The following STXBP4 variants were observed in gnomAD, a reference collection of about 807,000 sequenced individuals.
The protein encoded by STXBP4 is syntaxin-binding protein 4.
Under a neutral mutation model 76.1 loss-of-function variants are expected in STXBP4, and 55 were observed. The ratio of observed to expected loss-of-function variants is 0.72; its 90% CI spans 0.58 to 0.91. The LOEUF is 0.91. STXBP4 is among the 40% of genes least tolerant of loss of function. The pLI, the probability that STXBP4 is intolerant of heterozygous loss-of-function variation, is 0.00. For missense variants in STXBP4, 618 were observed against 636.9 expected (o/e 0.97, Z 0.32); for synonymous variants, 201 against 220.2 (o/e 0.91, Z 0.77).
At chr17:54,995,151 T>C (rs557712907) in intron 4 of STXBP4, among the ~76,000 whole-genome samples, 1 of 152,180 alleles carries the variant, frequency 6.6e-6, no homozygotes, top group Non-Finnish European at 1.5e-5. Flanking sequence ...GCCTGACACA[T>C]ACATACTTGC....
chr17:54,995,533 G>A (rs2077786926), intron 4 of STXBP4, among the ~76,000 whole-genome samples: 1 of 152,176 alleles, frequency 6.6e-6, no homozygotes, highest in Non-Finnish European at 1.5e-5. Context: ...ACTTATGAGT[G>A]TGTGTATGTA....
chr17:54,992,708 T>C (rs1259203415), intron 4 of STXBP4, among the ~76,000 whole-genome samples: 2 of 139,694 alleles, frequency 1.4e-5, no homozygotes, highest in Admixed American at 7.1e-5. Flanking sequence ...TTGCTTCCTT[T>C]TTTTTTTTTT....
At chr17:55,120,497 T>C (rs896763048) in intron 16 of STXBP4, among the ~76,000 whole-genome samples, 3 of 152,222 alleles carry the variant, frequency 2.0e-5, no homozygotes, top group Non-Finnish European at 4.4e-5. Flanking sequence ...TCTGAGGTCA[T>C]CAGATAGGAA....
intron 9 of STXBP4, among the ~76,000 whole-genome samples, chr17:55,032,426 AG>A (rs752176806): frequency 2.2e-4 from 34 of 152,220 alleles, no homozygotes; most frequent in Non-Finnish European, 4.6e-4. Context: ...GAGCAGAGGC[AG>A]GTAAAGCCCA....
chr17:55,068,780 A>C (rs2079084505), intron 12 of STXBP4, among the ~76,000 whole-genome samples: 1 of 152,166 alleles, frequency 6.6e-6, no homozygotes, highest in Non-Finnish European at 1.5e-5. Context: ...AAAAATGAGC[A>C]AACTGAGTCT....
chr17:55,107,772 G>A (rs2079654181), intron 16 of STXBP4, among the ~76,000 whole-genome samples: 1 of 152,172 alleles, frequency 6.6e-6, no homozygotes. Flanking sequence ...AAAGATTGCT[G>A]CCTGTTCCTT....
At chr17:54,982,843 AAC>A (rs1218745516) in intron 1 of STXBP4, among the ~76,000 whole-genome samples, 1 of 152,198 alleles carries the variant, frequency 6.6e-6, no homozygotes, top group Admixed American at 6.5e-5. Flanking sequence ...TAAAAGAGAT[AAC>A]ACATTACCAC....
chr17:55,082,422 T>A (rs1337761100), intron 16 of STXBP4, among the ~76,000 whole-genome samples: 1 of 152,184 alleles, frequency 6.6e-6, no homozygotes, highest in Non-Finnish European at 1.5e-5. Flanking sequence ...ATTAAAACTA[T>A]GCAAAAATAT....
intron 10 of STXBP4, among the ~76,000 whole-genome samples, chr17:55,036,616 T>C (rs1335590308): frequency 1.3e-5 from 2 of 151,902 alleles, no homozygotes; most frequent in Non-Finnish European, 2.9e-5. Context: ...TATTAACTTA[T>C]ATATTTCTTT....
chr17:55,015,440 TTC>T (rs907914327), intron 8 of STXBP4, among the ~76,000 whole-genome samples: 6 of 152,234 alleles, frequency 3.9e-5, no homozygotes, highest in Admixed American at 2.0e-4. Flanking sequence ...ATGGCAGCAC[TTC>T]TCTCATTTGG....
chr17:55,165,785 A>AT lies in STXBP4; in HGVS notation c.*5875dup, dbSNP rs2080374983. 6.6e-6 allele frequency: 1 copy of AT among 152,220 alleles called. No homozygotes were observed. Among genetic ancestry groups the AT allele is most frequent in the Non-Finnish European group, 1.5e-5 (1 of 68,074 alleles). 9.4% of individuals were successfully genotyped at this position (152,220 alleles called of 1,614,324 possible). On this transcript the variant is annotated 3_prime_UTR_variant, in exon 18 of 18. Coordinates refer to ENST00000376352, the MANE Select transcript of STXBP4 (RefSeq NM_178509.6). ...CCTGGTGAATGGGATTAGGACCCTTATGAAAGAGGCTTCAGGGAACCTGTT... is the reference window on the plus strand; with the variant it reads ...CCTGGTGAATGGGATTAGGACCCTTATTGAAAGAGGCTTCAGGGAACCTGTT...
At chr17:55,046,988 A>G (rs567980864) in intron 11 of STXBP4, 101 bp from the exon 12 acceptor site, 1 of 617,322 alleles carries the variant, frequency 1.6e-6, no homozygotes, top group African/African-American at 1.9e-5. Context: ...GATTGTAGCA[A>G]TTTGATATTT....
chr17:55,053,286 T>G (rs1258503212), intron 12 of STXBP4, among the ~76,000 whole-genome samples: 1 of 152,176 alleles, frequency 6.6e-6, no homozygotes, highest in South Asian at 2.1e-4. Context: ...TTGGAGTTTT[T>G]AGGGATAAAG....
At chr17:55,083,105 T>C (rs774146264) in intron 16 of STXBP4, among the ~76,000 whole-genome samples, 4 of 151,850 alleles carry the variant, frequency 2.6e-5, no homozygotes, top group Non-Finnish European at 5.9e-5. Context: ...GCCTCTCAGG[T>C]AGCTGAGACC....
chr17:55,063,421 A>G (rs1049345263), intron 12 of STXBP4, among the ~76,000 whole-genome samples: 4 of 152,216 alleles, frequency 2.6e-5, no homozygotes, highest in African/African-American at 7.2e-5. Context: ...TATTACCTAT[A>G]GTAGGTTGGC....
chr17:55,044,817 TCATC>T (rs1027257005), intron 11 of STXBP4: 11 of 152,090 alleles, frequency 7.2e-5, no homozygotes, highest in African/African-American at 2.7e-4. Context: ...GTAAGTCACT[TCATC>T]CACACTTTTT....
At chr17:55,098,916 T>C (rs2079529961) in intron 16 of STXBP4, among the ~76,000 whole-genome samples, 1 of 152,342 alleles carries the variant, frequency 6.6e-6, no homozygotes, top group African/African-American at 2.4e-5. Context: ...CCTAGAACAG[T>C]GCCTGGTACC....
intron 11 of STXBP4, 128 bp from the exon 12 acceptor site, chr17:55,046,961 T>A (rs926965300): frequency 3.6e-6 from 2 of 550,602 alleles, no homozygotes; most frequent in Admixed American, 3.6e-5. Flanking sequence ...GAAAAATGAC[T>A]AGGAGCAATA....
chr17:55,029,968 TA>T (rs2078477573), intron 8 of STXBP4, among the ~76,000 whole-genome samples: 1 of 152,130 alleles, frequency 6.6e-6, no homozygotes, highest in Non-Finnish European at 1.5e-5. Context: ...ATGTAAGAGA[TA>T]ATTACCAATA....
Sources: allele counts gnomAD v4.1 joint callset (sites outside exome capture counted in the v4.1 genomes callset), GRCh38; gene constraint gnomAD v4.1.1; transcripts MANE v1.5; gene names NCBI Gene and HGNC (gene_info 2026-07-23, HGNC 2026-07-21).